Variants in LRCH1 observed in about 807,000 individuals in gnomAD.
The protein encoded by LRCH1 is leucine rich repeats and calponin homology domain containing 1, also known as leucine-rich repeat and calponin homology domain-containing protein 1.
A neutral mutation model predicts 94.9 loss-of-function variants in LRCH1; 23 were observed. The ratio of observed to expected loss-of-function variants is 0.24; its 90% confidence interval spans 0.17 to 0.34. The LOEUF (loss-of-function observed/expected upper bound fraction) is 0.34, where lower values mean the gene tolerates loss of function less well. Among genes scored for constraint, LRCH1 ranks in the 10% least tolerant of loss-of-function variants. The pLI, the probability that LRCH1 is intolerant of heterozygous loss-of-function variation, is 1.00. For missense variants in LRCH1, 790 were observed against 945.9 expected (o/e 0.84, Z 2.16); for synonymous variants, 364 against 354.9 (o/e 1.03, Z -0.29).
In LRCH1 at chr13:46,696,795, C is replaced by T. The variant is rs142788918; in HGVS notation, c.1245+1778C>T. On this transcript the variant is annotated intron_variant, in intron 9 of 19. Transcript: ENST00000389797. ...GTCTTTCAACCTGTGCTTGGCCTGG[C>T]GGAGTGAATCACACCTGTAATCCCC... Among the ~76,000 whole-genome samples, 438 of 152,262 alleles carry T rather than the reference C, an allele frequency of 2.9e-3. 3 individuals are homozygous for T. Among genetic ancestry groups the T allele is most frequent in the African/African-American group, 0.01 (425 of 41,542 alleles).
intron 1 of LRCH1, among the ~76,000 whole-genome samples, chr13:46,643,533 T>A (rs1290874618): frequency 6.6e-6 from 1 of 152,208 alleles, no homozygotes; most frequent in East Asian, 1.9e-4. Context: ...TCGCTCCCAC[T>A]GTTTGTAAAG....
chr13:46,691,852 G>A (rs945946303), intron 7 of LRCH1, among the ~76,000 whole-genome samples: 3 of 152,124 alleles, frequency 2.0e-5, no homozygotes, highest in Non-Finnish European at 4.4e-5. Flanking sequence ...ACCACGCCCA[G>A]CTAATTTTTG....
intron 3 of LRCH1, among the ~76,000 whole-genome samples, 169 bp from the exon 4 acceptor site, chr13:46,681,572 C>T (rs1431783836): frequency 6.6e-6 from 1 of 152,170 alleles, no homozygotes; most frequent in Non-Finnish European, 1.5e-5. Context: ...TTAAAATGTT[C>T]AGCTTTCTCT....
intron 1 of LRCH1, among the ~76,000 whole-genome samples, chr13:46,648,068 C>T (rs187814095): frequency 6.6e-6 from 1 of 152,136 alleles, no homozygotes; most frequent in East Asian, 1.9e-4. Flanking sequence ...ATATAACTCA[C>T]CATAATACAG....
intron 3 of LRCH1, among the ~76,000 whole-genome samples, chr13:46,675,296 A>T (rs1314033717): frequency 6.6e-6 from 1 of 152,242 alleles, no homozygotes; most frequent in Non-Finnish European, 1.5e-5. Context: ...CATTTGCCAA[A>T]GAAGAGTTTT....
intron 2 of LRCH1, among the ~76,000 whole-genome samples, chr13:46,656,653 T>C (rs951125339): frequency 2.6e-5 from 4 of 152,244 alleles, no homozygotes; most frequent in Admixed American, 6.5e-5. Context: ...AAGAGGCCAT[T>C]GGAGTCATCC....
chr13:46,615,512 GA>G (rs904650489), intron 1 of LRCH1, among the ~76,000 whole-genome samples: 14 of 152,064 alleles, frequency 9.2e-5, no homozygotes, highest in East Asian at 3.8e-4. Context: ...TTTGGAGGGG[GA>G]AAAAACCTCC....
In LRCH1 at chr13:46,652,233, C is replaced by T. The variant is rs549136693; in HGVS notation, c.452+1888C>T. On this transcript the variant is annotated intron_variant, in intron 2 of 19. Coordinates refer to ENST00000389797, the MANE Select transcript of LRCH1 (RefSeq NM_001164211.2). Reference sequence around the variant, plus strand: ...CTGGGACTACAGGCGCCCGCCACCACGCCCGGCTAATTTTTTGTATTTTTA... The same window carrying T: ...CTGGGACTACAGGCGCCCGCCACCATGCCCGGCTAATTTTTTGTATTTTTA... Among the ~76,000 whole-genome samples the T allele has an allele frequency of 7.9e-5, 12 of 152,106 alleles. No homozygotes were observed. The South Asian group carries it at 2.3e-3, about 29-fold the overall frequency.
chr13:46,668,918 G>T, intron 2 of LRCH1, 112 bp from the exon 3 acceptor site: 1 of 1,106,658 alleles, frequency 9.0e-7, no homozygotes, highest in Non-Finnish European at 1.3e-6. Context: ...TCTTGTATTT[G>T]TAAAATGTCT....
rs576921291 is a variant in LRCH1, at chr13:46,554,066, G to T, written c.307+363G>T. Among the ~76,000 whole-genome samples the T allele has an allele frequency of 1.1e-4, 16 of 152,364 alleles. No homozygotes were observed. The East Asian group carries it at 2.7e-3, about 26-fold the overall frequency. On this transcript the variant is annotated intron_variant, in intron 1 of 19. Coordinates refer to ENST00000389797, the MANE Select transcript of LRCH1 (RefSeq NM_001164211.2). ...GCAGTGTAAGTGGGAGGTTTCAGGC[G>T]GCTGTGTCGGCTTCCTGGGCCCCGC... is the stretch of plus-strand genomic sequence containing the variant.
At chr13:46,575,268 G>A (rs2050290745) in intron 1 of LRCH1, among the ~76,000 whole-genome samples, 1 of 152,014 alleles carries the variant, frequency 6.6e-6, no homozygotes. Context: ...TTTAGGAGTG[G>A]AGTTTAAGCT....
chr13:46,735,809 T>TTC (rs1566257882), intron 19 of LRCH1, among the ~76,000 whole-genome samples: 1 of 137,672 alleles, frequency 7.3e-6, no homozygotes, highest in Non-Finnish European at 1.6e-5. Context: ...TTTTTTTTTT[T>TTC]CGAGATGGAG....
chr13:46,578,656 C>T (rs561888530), intron 1 of LRCH1, among the ~76,000 whole-genome samples: 2 of 152,302 alleles, frequency 1.3e-5, no homozygotes, highest in African/African-American at 4.8e-5. Context: ...CTTTTGGACT[C>T]CCTTGAGAAC....
In LRCH1 at chr13:46,689,155, G is replaced by C; in HGVS notation, c.973G>C (p.Val325Leu). ...CAGCAAGAAGGATTCTGATTCGGGAGTTGGAAGTGATAATGGAGATAAGCG... is the reference window on the plus strand; with the variant it reads ...CAGCAAGAAGGATTCTGATTCGGGACTTGGAAGTGATAATGGAGATAAGCG... ...EDGKKDSDSG[V>L]GSDNGDKRLS... Residue 325 changes from valine to leucine, a missense_variant, in exon 7 of 20, where the codon GTT becomes CTT. By Grantham distance (32) the Val-to-Leu change is conservative. This residue lies in a region of LRCH1 where 194 missense variants were observed against 293.5 expected (regional missense o/e 0.66). Coordinates refer to ENST00000389797, the MANE Select transcript of LRCH1 (RefSeq NM_001164211.2). 3.1e-6 allele frequency: 5 copies of C among 1,611,044 alleles called. No individual in the cohort carries two copies. Among genetic ancestry groups the C allele is most frequent in the Non-Finnish European group, 4.2e-6 (5 of 1,178,396 alleles).
chr13:46,610,294 G>A (rs1052230671), intron 1 of LRCH1, among the ~76,000 whole-genome samples: 2 of 152,036 alleles, frequency 1.3e-5, no homozygotes, highest in African/African-American at 4.8e-5. Flanking sequence ...TTGGCTCACT[G>A]TTTTGTGTTC....
chr13:46,713,074 C>A (rs1260024692), intron 15 of LRCH1, among the ~76,000 whole-genome samples: 1 of 152,120 alleles, frequency 6.6e-6, no homozygotes, highest in Non-Finnish European at 1.5e-5. Flanking sequence ...TCAGGAGTTA[C>A]TTTTTTAAAA....
At chr13:46,593,905 T>G (rs2050529478) in intron 1 of LRCH1, among the ~76,000 whole-genome samples, 2 of 152,206 alleles carry the variant, frequency 1.3e-5, no homozygotes, top group South Asian at 4.1e-4. Context: ...TTTTTCTTCT[T>G]TCCTGTGTCC....
chr13:46,641,950 T>C (rs2051162650), intron 1 of LRCH1, among the ~76,000 whole-genome samples: 1 of 152,194 alleles, frequency 6.6e-6, no homozygotes, highest in Admixed American at 6.5e-5. Context: ...ATGCTTCCAT[T>C]AAGAGGCGGA....
At position 46,626,518 on chromosome 13, in the gene LRCH1, T is replaced by A. The variant is rs372914874; in HGVS notation, c.308-23683T>A. ...ACCCTTGAGAATGTACTTTGTGAGATCCACTCCTGCCCGCAAAACATTGCT... is the reference window on the plus strand; with the variant it reads ...ACCCTTGAGAATGTACTTTGTGAGAACCACTCCTGCCCGCAAAACATTGCT... On this transcript the variant is annotated intron_variant, in intron 1 of 19. Transcript: ENST00000389797. Among the ~76,000 whole-genome samples, 470 of 152,326 alleles carry A rather than the reference T, an allele frequency of 3.1e-3. 3 individuals carry two copies. Among genetic ancestry groups the A allele is most frequent in the South Asian group, 0.019 (94 of 4,824 alleles).
Sources: gnomAD v4.1 joint callset for allele counts (sites outside exome capture counted in the v4.1 genomes callset) on GRCh38, gnomAD v4.1.1 for gene constraint, gnomAD v4.1.1 regional missense constraint, MANE v1.5 for transcripts, NCBI Gene and HGNC (gene_info 2026-07-23, HGNC 2026-07-21) for gene names.